The following INPP5B variants were observed in gnomAD, a reference collection of about 807,000 sequenced individuals.
INPP5B encodes type II inositol 1,4,5-trisphosphate 5-phosphatase.
In INPP5B, 90 loss-of-function variants were observed where a neutral mutation model predicts 118.5. The ratio of observed to expected loss-of-function variants is 0.76; its 90% confidence interval spans 0.64 to 0.90. The LOEUF is 0.90. Ranked by LOEUF, INPP5B falls within the 40% of genes least tolerant of loss-of-function variation. The pLI, the probability that INPP5B is intolerant of heterozygous loss-of-function variation, is 0.00. For missense variants in INPP5B, 984 were observed against 1,125.6 expected (o/e 0.87, Z 1.80); for synonymous variants, 385 against 418.9 (o/e 0.92, Z 0.99).
intron 7 of INPP5B, among the ~76,000 whole-genome samples, chr1:37,922,287 G>A (rs896305248): frequency 1.3e-5 from 2 of 152,202 alleles, no homozygotes; most frequent in African/African-American, 4.8e-5. Context: ...TACTTGGGAG[G>A]CTGAGACAGG....
intron 7 of INPP5B, among the ~76,000 whole-genome samples, chr1:37,924,067 T>G (rs909875297): frequency 6.7e-6 from 1 of 150,258 alleles, no homozygotes; most frequent in Non-Finnish European, 1.5e-5. Context: ...CCTGAGCCAC[T>G]GTGCCCAGCC....
At chr1:37,875,276 C>A (rs954642938) in intron 17 of INPP5B, among the ~76,000 whole-genome samples, 4 of 150,306 alleles carry the variant, frequency 2.7e-5, no homozygotes, top group African/African-American at 9.8e-5. Context: ...CAACACTAAT[C>A]TTTTTTTTTT....
intron 12 of INPP5B, 83 bp from the exon 13 acceptor site, chr1:37,885,908 G>A (rs762247246): frequency 1.5e-4 from 195 of 1,286,526 alleles, no homozygotes; most frequent in Middle Eastern, 5.7e-4. Flanking sequence ...GGCCGGGCAC[G>A]GTGGCTCACG....
chr1:37,917,286 C>T (rs1370985042), intron 7 of INPP5B, among the ~76,000 whole-genome samples: 9 of 89,572 alleles, frequency 1.0e-4, no homozygotes, highest in Non-Finnish European at 1.8e-4. Flanking sequence ...AAGACTCCGT[C>T]TCGGGGGAAA....
intron 21 of INPP5B, 141 bp from the exon 22 acceptor site, chr1:37,866,029 G>A: frequency 2.2e-6 from 3 of 1,358,434 alleles, no homozygotes. Flanking sequence ...ACTTCTCGAA[G>A]GGACCACACT....
In INPP5B at chr1:37,873,169, C is replaced by A; in HGVS notation, c.1952-4G>T. The A allele has an allele frequency of 6.2e-7, 1 of 1,604,170 alleles. No homozygotes were observed. Among genetic ancestry groups the A allele is most frequent in the Non-Finnish European group, 8.5e-7 (1 of 1,171,104 alleles). Reference sequence around the variant, plus strand: ...AAGTCAATCTCAACATCAGAATCTGCAGAGAAATTTTAAAAATAATGTTGG... The same window carrying A: ...AAGTCAATCTCAACATCAGAATCTGAAGAGAAATTTTAAAAATAATGTTGG... On this transcript the variant is annotated splice_polypyrimidine_tract_variant and splice_region_variant and intron_variant, in intron 18 of 23. Coordinates refer to ENST00000373024, the MANE Select transcript of INPP5B (RefSeq NM_005540.3).
At chr1:37,944,409 T>A (rs1387364551) in intron 3 of INPP5B, among the ~76,000 whole-genome samples, 1 of 152,076 alleles carries the variant, frequency 6.6e-6, no homozygotes, top group Non-Finnish European at 1.5e-5. Flanking sequence ...TTCTTTTTTT[T>A]ATTTATTATA....
intron 7 of INPP5B, among the ~76,000 whole-genome samples, chr1:37,910,679 T>C (rs1422638344): frequency 1.3e-5 from 2 of 152,146 alleles, no homozygotes; most frequent in Non-Finnish European, 2.9e-5. Context: ...TAAAGCCTGT[T>C]ATCACTCACC....
intron 15 of INPP5B, among the ~76,000 whole-genome samples, chr1:37,879,101 G>C (rs11485997): frequency 6.6e-6 from 1 of 151,446 alleles, no homozygotes; most frequent in South Asian, 2.1e-4. Context: ...GTGAAACCCC[G>C]TCTCTACTAA....
At chr1:37,941,715 G>A (rs1047542658) in intron 5 of INPP5B, among the ~76,000 whole-genome samples, 6 of 149,448 alleles carry the variant, frequency 4.0e-5, no homozygotes, top group African/African-American at 1.5e-4. Context: ...GAGGCGGGCG[G>A]ATCACGAGGT....
At chr1:37,889,486 G>A in intron 9 of INPP5B, 71 bp downstream of exon 9, 1 of 1,194,898 alleles carries the variant, frequency 8.4e-7, no homozygotes, top group Non-Finnish European at 1.2e-6. Flanking sequence ...AGGTATAGGA[G>A]GAAGTGCTCA....
intron 23 of INPP5B, 146 bp downstream of exon 23, chr1:37,864,166 G>T: frequency 1.7e-6 from 1 of 581,100 alleles, no homozygotes; most frequent in Non-Finnish European, 3.1e-6. Flanking sequence ...GTGTCCAAAC[G>T]CAAAACTTTC....
chr1:37,885,793 C>T lies in INPP5B; in HGVS notation c.1164G>A (p.Gln388=). ...CAACGCAGATGCTGGTGTTGTGGAA[C>T]TGGAACCTGATCGCCACGCCTCCCT... ...GNKGGVAIRF[Q]FHNTSICVVN... The change falls in exon 13 of 24, where the codon CAG becomes CAA. Residue 388 remains glutamine (Q), a synonymous_variant. Transcript: ENST00000373024. 1 of 1,614,196 alleles carries T rather than the reference C, an allele frequency of 6.2e-7. No individual in the cohort carries two copies. The highest frequency in any genetic ancestry group is 1.6e-4 in the Middle Eastern group (1 of 6,062).
At position 37,931,767 on chromosome 1, in the gene INPP5B, C is replaced by T. The variant is rs750625647; in HGVS notation, c.532+146G>A. 10 of 1,603,954 alleles carry T rather than the reference C, an allele frequency of 6.2e-6. No individual in the cohort carries two copies. In the Admixed American group the frequency reaches 6.7e-5, roughly 11 times the overall value. On this transcript the variant is annotated intron_variant, in intron 7 of 23. Transcript: ENST00000373024. ...CCCGCCGCCCGTCCCGCGCGCTCCG[C>T]CCCCAGACGAACCCGCCCCCGTGTG...
chr1:37,888,207 T>C (rs2148513530), intron 10 of INPP5B, 36 bp downstream of exon 10: 2 of 1,321,676 alleles, frequency 1.5e-6, no homozygotes, highest in Middle Eastern at 2.2e-4. Context: ...TCTGTGTGCT[T>C]GAAGATGGAG....
intron 7 of INPP5B, among the ~76,000 whole-genome samples, chr1:37,901,026 G>A (rs547967075): frequency 1.1e-3 from 165 of 152,192 alleles, no homozygotes; most frequent in African/African-American, 3.7e-3. Flanking sequence ...TGGTCAGGCT[G>A]GTCTCGAACT....
chr1:37,883,736 G>GAGA, intron 13 of INPP5B: 1 of 985,392 alleles, frequency 1.0e-6, no homozygotes, highest in Non-Finnish European at 1.2e-6. Flanking sequence ...AGGCTCCCTG[G>GAGA]AGAAGAAAAA....
chr1:37,925,646 G>C (rs1645200000), intron 7 of INPP5B, among the ~76,000 whole-genome samples: 1 of 152,130 alleles, frequency 6.6e-6, no homozygotes, highest in African/African-American at 2.4e-5. Flanking sequence ...CCCTCTTCCT[G>C]AACTGTCCCT....
intron 7 of INPP5B, among the ~76,000 whole-genome samples, chr1:37,911,592 G>A (rs1041202622): frequency 6.6e-6 from 1 of 152,082 alleles, no homozygotes; most frequent in Non-Finnish European, 1.5e-5. Flanking sequence ...CTACCTCTCA[G>A]CAAGCTAAAC....
Sources: gnomAD v4.1 joint callset for allele counts (sites outside exome capture counted in the v4.1 genomes callset) on GRCh38, gnomAD v4.1.1 for gene constraint, MANE v1.5 for transcripts, NCBI Gene and HGNC (gene_info 2026-07-23, HGNC 2026-07-21) for gene names.